Variants in EVA1C observed in about 807,000 individuals in gnomAD.
EVA1C encodes eva-1 homolog C.
EVA1C carries 25 observed loss-of-function variants against 45.4 expected under a neutral mutation model. The observed-to-expected ratio is 0.55, with a 90% confidence interval of 0.40 to 0.77. The LOEUF (loss-of-function observed/expected upper bound fraction) is 0.77. EVA1C is among the 30% of genes least tolerant of loss of function. The pLI is 0.00. For missense variants in EVA1C, 479 were observed against 554.8 expected (o/e 0.86, Z 1.37); for synonymous variants, 190 against 221.2 (o/e 0.86, Z 1.25).
intron 4 of EVA1C, among the ~76,000 whole-genome samples, chr21:32,473,209 T>C (rs1348303331): frequency 6.6e-6 from 1 of 152,224 alleles, no homozygotes; most frequent in Non-Finnish European, 1.5e-5. Context: ...ATCATTTGCT[T>C]CTTGGCCCAG....
chr21:32,476,905 A>G (rs2036588603), intron 4 of EVA1C, among the ~76,000 whole-genome samples: 2 of 152,136 alleles, frequency 1.3e-5, no homozygotes, highest in East Asian at 1.9e-4. Flanking sequence ...GCAGTGCTGC[A>G]GTGTTCTGTA....
At chr21:32,508,015 A>G (rs1403342510) in intron 7 of EVA1C, among the ~76,000 whole-genome samples, 1 of 151,198 alleles carries the variant, frequency 6.6e-6, no homozygotes, top group Non-Finnish European at 1.5e-5. Flanking sequence ...GTACGCATGC[A>G]TGTGTGTGCA....
intron 1 of EVA1C, among the ~76,000 whole-genome samples, chr21:32,439,455 T>C (rs2035093215): frequency 6.6e-6 from 1 of 152,188 alleles, no homozygotes; most frequent in Admixed American, 6.5e-5. Flanking sequence ...TGGACGCCCG[T>C]ATTTCTTTAC....
At chr21:32,442,319 G>A (rs1456572143) in intron 1 of EVA1C, among the ~76,000 whole-genome samples, 4 of 152,040 alleles carry the variant, frequency 2.6e-5, no homozygotes, top group African/African-American at 9.7e-5. Flanking sequence ...TTAACCTCCA[G>A]GTTCACTTTC....
intron 7 of EVA1C, among the ~76,000 whole-genome samples, 189 bp from the exon 8 acceptor site, chr21:32,514,625 G>GC (rs1229635205): frequency 1.3e-5 from 2 of 152,144 alleles, no homozygotes; most frequent in African/African-American, 4.8e-5. Flanking sequence ...CTCCGTAGGC[G>GC]CAAAAGCTTT....
At chr21:32,512,744 G>A (rs376202475) in intron 7 of EVA1C, among the ~76,000 whole-genome samples, 2 of 152,344 alleles carry the variant, frequency 1.3e-5, no homozygotes, top group East Asian at 3.9e-4. Flanking sequence ...ATCACTGGCA[G>A]TGGGGCTCAA....
At position 32,454,601 on chromosome 21, in the gene EVA1C, A is replaced by T. The variant is rs566658002; in HGVS notation, c.357+1093A>T. ...GGATTACTGAGTCACTTGGCCTTGG[A>T]TTTTTTTTTTTATGCCTCCCAAGTT... On this transcript the variant is annotated intron_variant, in intron 2 of 7. Coordinates refer to ENST00000300255, the MANE Select transcript of EVA1C (RefSeq NM_058187.5). Among the ~76,000 whole-genome samples the T allele has an allele frequency of 1.5e-3, 231 of 149,212 alleles. 1 individual carries two copies. The highest frequency in any genetic ancestry group is 2.9e-3 in the Non-Finnish European group (194 of 67,094).
chr21:32,441,422 G>T (rs983099710), intron 1 of EVA1C, among the ~76,000 whole-genome samples: 5 of 152,024 alleles, frequency 3.3e-5, no homozygotes, highest in African/African-American at 1.2e-4. Flanking sequence ...CAAAGCAAAG[G>T]TCCTGAGGTC....
intron 4 of EVA1C, among the ~76,000 whole-genome samples, chr21:32,492,875 G>A (rs1220121438): frequency 6.6e-6 from 1 of 151,892 alleles, no homozygotes; most frequent in Non-Finnish European, 1.5e-5. Flanking sequence ...GGGGTAGTGG[G>A]GCTCAGAGAT....
At chr21:32,419,341 C>G (rs545614511) in intron 1 of EVA1C, among the ~76,000 whole-genome samples, 1 of 152,176 alleles carries the variant, frequency 6.6e-6, no homozygotes, top group Non-Finnish European at 1.5e-5. Flanking sequence ...GCCTGACTTG[C>G]GTACTGCTCT....
chr21:32,469,242 G>T (rs896416879), intron 4 of EVA1C, among the ~76,000 whole-genome samples: 6 of 152,326 alleles, frequency 3.9e-5, no homozygotes, highest in African/African-American at 1.4e-4. Flanking sequence ...CATATGTCAG[G>T]TGCAGATGGG....
intron 1 of EVA1C, among the ~76,000 whole-genome samples, chr21:32,419,897 G>T (rs540190727): frequency 6.6e-6 from 1 of 152,220 alleles, no homozygotes; most frequent in East Asian, 1.9e-4. Flanking sequence ...TAAGGAAATG[G>T]TTTCTCATAA....
At chr21:32,468,034 A>ATG (rs1266134043) in intron 4 of EVA1C, 186 bp downstream of exon 4, 3 of 307,108 alleles carry the variant, frequency 9.8e-6, no homozygotes, top group Non-Finnish European at 1.7e-5. Flanking sequence ...GTATATATAT[A>ATG]TAAATGCTTG....
intron 1 of EVA1C, among the ~76,000 whole-genome samples, chr21:32,449,700 C>A (rs1244521236): frequency 6.6e-6 from 1 of 151,766 alleles, no homozygotes; most frequent in African/African-American, 2.4e-5. Context: ...CGGCTCACTG[C>A]AGCCTCTGCC....
At chr21:32,477,700 A>C (rs1444182638) in intron 4 of EVA1C, among the ~76,000 whole-genome samples, 222 of 48,510 alleles carry the variant, frequency 4.6e-3, no homozygotes, top group Non-Finnish European at 6.3e-3. Context: ...ATACGCTCTC[A>C]CCTCCCCCGT....
Position 32,453,620 on chromosome 21 carries a change from T to C in EVA1C, c.357+112T>C, listed in dbSNP as rs2035670351. On this transcript the variant is annotated intron_variant, in intron 2 of 7. Coordinates refer to ENST00000300255, the MANE Select transcript of EVA1C (RefSeq NM_058187.5). ...TATAGTTCAATCCAAGCAAAACTGA[T>C]CCATGAAAAATCCCAATTTATACAG... 6.2e-6 allele frequency: 5 copies of C among 804,210 alleles called. No individual in the cohort carries two copies. In the Admixed American group the frequency reaches 1.5e-4, roughly 23 times the overall value. 49.8% of individuals were successfully genotyped at this position (804,210 alleles called of 1,614,324 possible). A position where few individuals can be genotyped will look rare whatever the true frequency, so the allele number is the denominator to read the frequency against.
At chr21:32,466,264 A>G (rs2146296303) in intron 3 of EVA1C, among the ~76,000 whole-genome samples, 1 of 152,176 alleles carries the variant, frequency 6.6e-6, no homozygotes, top group Non-Finnish European at 1.5e-5. Context: ...CTAAAAATTC[A>G]AAAAATTAGC....
chr21:32,503,984 C>A lies in EVA1C; in HGVS notation c.918C>A (p.Ser306Arg). ...TGAGGAAAGATGGAATTCTTGTTAG[C>A]AACTCTCTGGCAGCCTTTGCTTACA... ...KVLRKDGILV[S>R]NSLAAFAYIR... Residue 306 changes from serine (S) to arginine (R), a missense_variant, in exon 7 of 8, where the codon AGC (serine) becomes AGA (arginine). Physicochemically the swap from Ser to Arg is moderately radical, Grantham distance 110. Coordinates refer to ENST00000300255, the MANE Select transcript of EVA1C (RefSeq NM_058187.5). 1 of 1,611,566 alleles carries A rather than the reference C, an allele frequency of 6.2e-7. No homozygotes were observed. The highest frequency in any genetic ancestry group is 1.1e-5 in the South Asian group (1 of 90,942).
At chr21:32,505,065 C>A (rs2037682393) in intron 7 of EVA1C, among the ~76,000 whole-genome samples, 2 of 152,024 alleles carry the variant, frequency 1.3e-5, no homozygotes, top group Non-Finnish European at 2.9e-5. Context: ...ATGGGAAAGA[C>A]CCACCCCATG....
Sources: allele counts gnomAD v4.1 joint callset (sites outside exome capture counted in the v4.1 genomes callset), GRCh38; gene constraint gnomAD v4.1.1; transcripts MANE v1.5; gene names NCBI Gene and HGNC (gene_info 2026-07-23, HGNC 2026-07-21).